CLTCL1: variants seen among roughly 807,000 people sequenced by gnomAD.
CLTCL1 encodes the protein clathrin heavy chain like 1.
In CLTCL1, 159 loss-of-function variants were observed where a neutral mutation model predicts 190.0. The observed-to-expected ratio is 0.84, with a 90% confidence interval of 0.74 to 0.95. CLTCL1 has a LOEUF of 0.95. CLTCL1 is among the 40% of genes least tolerant of loss of function. CLTCL1 has a pLI of 0.00. For missense variants in CLTCL1, 1,878 were observed against 2,033.4 expected, an observed-to-expected ratio of 0.92 and a Z score of 1.47; for synonymous variants, 752 against 769.6, an observed-to-expected ratio of 0.98 and a Z score of 0.38.
At chr22:19,290,138 T>C (rs564939994) in intron 1 of CLTCL1, among the ~76,000 whole-genome samples, 1 of 152,334 alleles carries the variant, frequency 6.6e-6, no homozygotes, top group East Asian at 1.9e-4. Context: ...TTAGAAACTC[T>C]GATGGACACC....
At chr22:19,183,634 C>T (rs1240351927) in intron 29 of CLTCL1, 23 bp from the exon 30 acceptor site, 2 of 1,610,668 alleles carry the variant, frequency 1.2e-6, no homozygotes, top group Non-Finnish European at 1.7e-6. Context: ...CAAATGCTTG[C>T]TTGGGCATCC....
Position 19,254,090 on chromosome 22 carries a change from A to C in CLTCL1, c.388T>G (p.Trp130Gly). The C allele has an allele frequency of 6.2e-7, 1 of 1,612,978 alleles. No individual in the cohort carries two copies. Among genetic ancestry groups the C allele is most frequent in the Non-Finnish European group, 8.5e-7 (1 of 1,179,356 alleles). Residue 130 changes from tryptophan (W) to glycine (G), a missense_variant, in exon 3 of 33, where the codon TGG becomes GGG. Trp to Gly is a radical substitution (Grantham distance 184). Transcript: ENST00000427926. Reference sequence around the variant, plus strand: ...GGCTGGGAGTCACCTTCCATGCTCCAGTGGTAGACCGCGGTCTCGGTCACC... The same window carrying C: ...GGCTGGGAGTCACCTTCCATGCTCCCGTGGTAGACCGCGGTCTCGGTCACC... ...ALVTETAVYH[W>G]SMEGDSQPMK... is the part of the protein sequence containing the mutation.
At chr22:19,245,286 T>C (rs1475862766) in intron 3 of CLTCL1, among the ~76,000 whole-genome samples, 1 of 146,612 alleles carries the variant, frequency 6.8e-6, no homozygotes, top group Non-Finnish European at 1.5e-5. Context: ...CTCCACCTCC[T>C]GGGTTCAAAC....
At chr22:19,195,673 A>C (rs1021529308) in intron 26 of CLTCL1, among the ~76,000 whole-genome samples, 1 of 151,884 alleles carries the variant, frequency 6.6e-6, no homozygotes, top group Non-Finnish European at 1.5e-5. Flanking sequence ...CTGAGGTTGA[A>C]CTCTCTAAGA....
intron 10 of CLTCL1, among the ~76,000 whole-genome samples, chr22:19,231,087 C>T (rs150950864): frequency 6.3e-4 from 96 of 152,272 alleles, no homozygotes; most frequent in African/African-American, 2.0e-3. Flanking sequence ...CTGAGAGTTA[C>T]GCCTTCAGCT....
In CLTCL1 at chr22:19,232,503, G is replaced by A. The variant is rs370790971; in HGVS notation, c.1617C>T (p.Asp539=). 2.8e-4 allele frequency: 457 copies of A among 1,613,934 alleles called. No homozygotes were observed. Among genetic ancestry groups the A allele is most frequent in the Non-Finnish European group, 3.5e-4 (415 of 1,179,874 alleles). ...GLQFSRMLVQ[D]EEPLANISQI... The stretch of plus-strand genomic sequence containing the variant: ...GGCTAATGTTGGCCAGCGGCTCCTC[G>A]TCCTGCACTAGCATTCGAGAAAACT... The change falls in exon 10 of 33, where the codon GAC becomes GAT. Residue 539 remains aspartate, a synonymous_variant. Coordinates refer to ENST00000427926, the MANE Select transcript of CLTCL1 (RefSeq NM_007098.4).
intron 26 of CLTCL1, among the ~76,000 whole-genome samples, chr22:19,196,017 C>G (rs2146284311): frequency 2.0e-5 from 3 of 152,138 alleles, no homozygotes; most frequent in Middle Eastern, 6.8e-3. Flanking sequence ...CGGCTGCATG[C>G]TGGCCTGACC....
At chr22:19,213,992 G>C (rs2085310393) in intron 19 of CLTCL1, among the ~76,000 whole-genome samples, 1 of 152,172 alleles carries the variant, frequency 6.6e-6, no homozygotes, top group Non-Finnish European at 1.5e-5. Context: ...TCCATGTACA[G>C]TGTTCATTTC....
chr22:19,183,574 T>G lies in CLTCL1; in HGVS notation c.4643A>C (p.Glu1548Ala), dbSNP rs1555926887. ...MQHAAESRDAELAQKLLQWFL... is the reference protein window; with the variant it reads ...MQHAAESRDAALAQKLLQWFL... ...CCACTGCAGCAACTTCTGGGCCAGC[T>G]CAGCATCCCGCGACTCTGCAGCATG... The change falls in exon 30 of 33, where the codon GAG (glutamate) becomes GCG (alanine). Residue 1548 changes from glutamate (E) to alanine (A), a missense_variant. Physicochemically the swap from Glu to Ala is moderately radical, Grantham distance 107. Transcript: ENST00000427926. 2 of 1,613,732 alleles carry G rather than the reference T, an allele frequency of 1.2e-6. No homozygotes were observed.
chr22:19,270,805 T>TA (rs1222165149), intron 2 of CLTCL1, among the ~76,000 whole-genome samples: 9 of 137,522 alleles, frequency 6.5e-5, no homozygotes, highest in Admixed American at 1.4e-4. Context: ...AAGAAAGATA[T>TA]AAAAAAAAAA....
intron 2 of CLTCL1, among the ~76,000 whole-genome samples, chr22:19,272,030 G>A (rs2087337999): frequency 6.6e-6 from 1 of 152,290 alleles, no homozygotes; most frequent in South Asian, 2.1e-4. Context: ...GATCGTTTGA[G>A]CCCAGGAGTT....
intron 1 of CLTCL1, among the ~76,000 whole-genome samples, chr22:19,289,344 A>G (rs544479425): frequency 6.6e-6 from 1 of 152,346 alleles, no homozygotes; most frequent in Non-Finnish European, 1.5e-5. Context: ...GGCTAAACTA[A>G]AAGTCTTTTT....
chr22:19,214,135 G>A (rs780050431), intron 19 of CLTCL1, among the ~76,000 whole-genome samples: 1 of 152,176 alleles, frequency 6.6e-6, no homozygotes, highest in Non-Finnish European at 1.5e-5. Context: ...TTCCTTTAGG[G>A]CTCATAAGGA....
At chr22:19,180,080 C>T in intron 32 of CLTCL1, 111 bp from the exon 33 acceptor site, 7 of 880,506 alleles carry the variant, frequency 7.9e-6, no homozygotes. Context: ...TAGGACCAGC[C>T]CTTACCACCC....
intron 1 of CLTCL1, among the ~76,000 whole-genome samples, chr22:19,278,081 G>A (rs1489940883): frequency 3.9e-5 from 6 of 152,088 alleles, no homozygotes; most frequent in Non-Finnish European, 4.4e-5. Context: ...AGAAAGGCGC[G>A]AGGGGTGTCC....
intron 18 of CLTCL1, among the ~76,000 whole-genome samples, chr22:19,218,340 TTAATA>T (rs1555950669): frequency 2.0e-5 from 3 of 152,234 alleles, no homozygotes. Context: ...ATTGTGTTGT[TTAATA>T]TTTTTATTAG....
intron 1 of CLTCL1, among the ~76,000 whole-genome samples, chr22:19,286,007 C>T (rs916061812): frequency 2.6e-5 from 4 of 152,152 alleles, no homozygotes; most frequent in South Asian, 2.1e-4. Flanking sequence ...TGGGGAGAGA[C>T]AGACAGAGGC....
intron 3 of CLTCL1, among the ~76,000 whole-genome samples, chr22:19,245,785 C>A (rs544925333): frequency 1.3e-5 from 2 of 152,244 alleles, no homozygotes; most frequent in Admixed American, 1.3e-4. Context: ...TTGTGCCTCA[C>A]TTTTTTCATT....
At chr22:19,247,567 G>A (rs1569219792) in intron 3 of CLTCL1, among the ~76,000 whole-genome samples, 1 of 151,878 alleles carries the variant, frequency 6.6e-6, no homozygotes, top group Non-Finnish European at 1.5e-5. Flanking sequence ...GTTTTGTTTT[G>A]TTTTGTTTTT....
Sources: gnomAD v4.1 joint callset for allele counts (sites outside exome capture counted in the v4.1 genomes callset) on GRCh38, gnomAD v4.1.1 for gene constraint, MANE v1.5 for transcripts, NCBI Gene and HGNC (gene_info 2026-07-23, HGNC 2026-07-21) for gene names.